Variants in NPAS3 observed in about 807,000 individuals in gnomAD.
NPAS3 encodes neuronal PAS domain protein 3, also known as neuronal PAS domain-containing protein 3.
In NPAS3, 14 loss-of-function variants were observed where a neutral mutation model predicts 73.1. The ratio of observed to expected loss-of-function variants is 0.19; its 90% CI spans 0.13 to 0.30. NPAS3 has a LOEUF of 0.30. Ranked by LOEUF, NPAS3 falls within the 10% of genes least tolerant of loss-of-function variation. The probability of loss-of-function intolerance (pLI) is 1.00; values close to 1 mark genes in which losing one functional copy is unlikely to be tolerated. For missense variants in NPAS3, 1,096 were observed against 1,250.0 expected (o/e 0.88, Z 1.86); for synonymous variants, 620 against 541.5 (o/e 1.14, Z -2.01).
chr14:33,726,264 A>G (rs1230659955), intron 6 of NPAS3, among the ~76,000 whole-genome samples: 1 of 152,182 alleles, frequency 6.6e-6, no homozygotes, highest in Non-Finnish European at 1.5e-5. Flanking sequence ...ATCTGAGAGC[A>G]TTGGACACTC....
exon 8 of NPAS3, chr14:33,774,462 C>G (rs1474888699): frequency 1.2e-6 from 2 of 1,614,070 alleles, no homozygotes; most frequent in Non-Finnish European, 1.7e-6. Context: ...TCAATGAAGT[C>G]AGAATTGACT....
intron 2 of NPAS3, among the ~76,000 whole-genome samples, chr14:33,207,267 GCA>G (rs34164980): frequency 0.16 from 2,719 of 16,918 alleles, 33 homozygotes; most frequent in Middle Eastern, 0.41. Flanking sequence ...ACACACACAC[GCA>G]CACACACACA....
intron 5 of NPAS3, among the ~76,000 whole-genome samples, chr14:33,648,504 GA>G (rs1018994464): frequency 4.6e-5 from 7 of 152,140 alleles, no homozygotes; most frequent in East Asian, 1.9e-4. Context: ...GGAAATCTAA[GA>G]AAAAGTGTCT....
chr14:33,676,487 T>A, intron 6 of NPAS3, 102 bp downstream of exon 6: 1 of 893,746 alleles, frequency 1.1e-6, no homozygotes, highest in Non-Finnish European at 1.6e-6. Flanking sequence ...GGTCTAAGGG[T>A]ATTTAACAAT....
intron 5 of NPAS3, among the ~76,000 whole-genome samples, chr14:33,625,452 G>A (rs1350399039): frequency 2.6e-5 from 4 of 152,260 alleles, no homozygotes; most frequent in East Asian, 3.9e-4. Flanking sequence ...CTTTGAAGAC[G>A]CTGCAGGAGA....
intron 4 of NPAS3, among the ~76,000 whole-genome samples, chr14:33,535,230 T>C (rs1007593490): frequency 2.0e-5 from 3 of 152,176 alleles, no homozygotes; most frequent in Non-Finnish European, 4.4e-5. Context: ...GACCTCACAG[T>C]AATTTTGAAA....
intron 5 of NPAS3, among the ~76,000 whole-genome samples, chr14:33,601,371 GC>G (rs1314762823): frequency 6.0e-4 from 91 of 152,240 alleles, no homozygotes; most frequent in African/African-American, 2.1e-3. Context: ...TCTGAACACA[GC>G]CCTTGATTCA....
chr14:33,023,308 G>C (rs1305531082), intron 1 of NPAS3, among the ~76,000 whole-genome samples: 1 of 152,124 alleles, frequency 6.6e-6, no homozygotes, highest in Non-Finnish European at 1.5e-5. Context: ...TTTCTAGTGA[G>C]ACAAAATGTT....
At chr14:33,722,885 G>A (rs890600313) in intron 6 of NPAS3, among the ~76,000 whole-genome samples, 2 of 151,962 alleles carry the variant, frequency 1.3e-5, no homozygotes, top group African/African-American at 4.8e-5. Context: ...ATTTCAAGAT[G>A]TGCTGGAATT....
chr14:33,156,020 G>T (rs1381483659), intron 2 of NPAS3, among the ~76,000 whole-genome samples: 1 of 151,204 alleles, frequency 6.6e-6, no homozygotes, highest in East Asian at 1.9e-4. Context: ...GAAGATTTGT[G>T]ATTGAATGAA....
At chr14:33,407,100 G>A (rs1454112704) in intron 4 of NPAS3, among the ~76,000 whole-genome samples, 4 of 152,110 alleles carry the variant, frequency 2.6e-5, no homozygotes, top group Non-Finnish European at 5.9e-5. Flanking sequence ...GTTGCTAATT[G>A]AACTCTTTAT....
At chr14:33,249,842 C>A (rs771705267) in intron 3 of NPAS3, among the ~76,000 whole-genome samples, 8 of 151,956 alleles carry the variant, frequency 5.3e-5, no homozygotes, top group Non-Finnish European at 1.2e-4. Context: ...TGAATGCTTA[C>A]TACACTGGGT....
intron 4 of NPAS3, among the ~76,000 whole-genome samples, chr14:33,397,842 C>G (rs574561898): frequency 6.6e-6 from 1 of 152,126 alleles, no homozygotes; most frequent in Non-Finnish European, 1.5e-5. Flanking sequence ...AGAGAAGGCA[C>G]TTGATCGGAT....
intron 4 of NPAS3, among the ~76,000 whole-genome samples, chr14:33,443,443 A>C (rs2049340477): frequency 6.6e-6 from 1 of 152,210 alleles, no homozygotes; most frequent in Admixed American, 6.5e-5. Context: ...TTAGCTGGTA[A>C]CTACTGTCCC....
intron 5 of NPAS3, among the ~76,000 whole-genome samples, chr14:33,575,247 T>C (rs2056388409): frequency 6.6e-6 from 1 of 152,236 alleles, no homozygotes; most frequent in African/African-American, 2.4e-5. Context: ...GACTATTAAC[T>C]GATGATCGAG....
intron 1 of NPAS3, among the ~76,000 whole-genome samples, chr14:32,997,814 T>C (rs1022900848): frequency 1.3e-5 from 2 of 151,756 alleles, no homozygotes; most frequent in Admixed American, 6.6e-5. Flanking sequence ...TCCACCATGA[T>C]TGTGAGGCTT....
intron 4 of NPAS3, among the ~76,000 whole-genome samples, chr14:33,496,279 G>A (rs1047024376): frequency 2.0e-5 from 3 of 152,056 alleles, no homozygotes; most frequent in African/African-American, 7.2e-5. Flanking sequence ...ACAAAGAGGA[G>A]CTGGTACCAT....
chr14:33,213,494 C>G (rs888001062), intron 2 of NPAS3, among the ~76,000 whole-genome samples: 1 of 152,160 alleles, frequency 6.6e-6, no homozygotes, highest in Non-Finnish European at 1.5e-5. Context: ...GTTATACTTA[C>G]GCTTTGTCAG....
intron 2 of NPAS3, among the ~76,000 whole-genome samples, chr14:33,165,781 A>G (rs188131255): frequency 1.3e-5 from 2 of 151,960 alleles, no homozygotes; most frequent in Non-Finnish European, 2.9e-5. Context: ...CCTTCCCCCA[A>G]ACAAAACTGT....
Sources: gnomAD v4.1 joint callset for allele counts (sites outside exome capture counted in the v4.1 genomes callset) on GRCh38, gnomAD v4.1.1 for gene constraint, MANE v1.5 for transcripts, NCBI Gene and HGNC (gene_info 2026-07-23, HGNC 2026-07-21) for gene names.